Variants in PTPRD observed in about 807,000 individuals in gnomAD.
The protein encoded by PTPRD is receptor-type tyrosine-protein phosphatase delta.
A neutral mutation model predicts 214.5 loss-of-function variants in PTPRD; 34 were observed. That is an observed-to-expected ratio of 0.16 (90% confidence interval 0.12 to 0.21). The LOEUF is 0.21. PTPRD is among the 10% of genes least tolerant of loss of function. The pLI is 1.00. For synonymous variants in PTPRD, 1,128 were observed against 845.7 expected (o/e 1.33, Z -5.79); for missense variants, 2,545 against 2,398.7 (o/e 1.06, Z -1.27).
At chr9:8,653,907 G>C (rs566099327) in intron 12 of PTPRD, among the ~76,000 whole-genome samples, 2 of 152,146 alleles carry the variant, frequency 1.3e-5, no homozygotes, top group South Asian at 2.1e-4. Flanking sequence ...AGGAACCTTG[G>C]TGCATCAATT....
Position 10,334,729 on chromosome 9 carries a change from A to C in PTPRD, c.-545+6234T>G, listed in dbSNP as rs1166108796. Among the ~76,000 whole-genome samples the C allele has an allele frequency of 2.6e-5, 4 of 151,580 alleles. No individual in the cohort carries two copies. The Admixed American group carries it at 2.6e-4, about 10-fold the overall frequency. On this transcript the variant is annotated intron_variant, in intron 3 of 45. Transcript: ENST00000381196. ...CGTTATAGCAAGGATTCAGCACACA[A>C]GGTCAACAAAGAAAAGTCACTTTTC...
At chr9:10,175,500 C>A (rs1455827098) in intron 3 of PTPRD, among the ~76,000 whole-genome samples, 2 of 151,910 alleles carry the variant, frequency 1.3e-5, no homozygotes, top group Non-Finnish European at 1.5e-5. Flanking sequence ...ATACCAAATA[C>A]TTTTCTGCAG....
Position 8,733,761 on chromosome 9 carries a change from G to A in PTPRD, c.64+19C>T. 1 of 1,550,902 alleles carries A rather than the reference G, an allele frequency of 6.4e-7. No homozygotes were observed. Among genetic ancestry groups the A allele is most frequent in the Non-Finnish European group, 8.7e-7 (1 of 1,146,116 alleles). On this transcript the variant is annotated intron_variant, in intron 12 of 45. Transcript: ENST00000381196. ...CTCATTATGGTCACAGCCCCCTAGA[G>A]AAGGGGAGAATGGCTTACTCTCAGC...
At chr9:10,193,110 T>A (rs2099379087) in intron 3 of PTPRD, among the ~76,000 whole-genome samples, 2 of 152,258 alleles carry the variant, frequency 1.3e-5, no homozygotes, top group Admixed American at 1.3e-4. Flanking sequence ...ATTTTTCAAT[T>A]TCCCATTCCC....
At chr9:8,879,146 C>G (rs193002701) in intron 11 of PTPRD, among the ~76,000 whole-genome samples, 26 of 152,284 alleles carry the variant, frequency 1.7e-4, no homozygotes, top group East Asian at 3.9e-4. Context: ...CCCCAAGTAT[C>G]TATAGGCGTA....
chr9:10,579,615 C>T (rs937578365), intron 2 of PTPRD, among the ~76,000 whole-genome samples: 4 of 152,026 alleles, frequency 2.6e-5, no homozygotes, highest in Admixed American at 2.0e-4. Context: ...GTTTTATTTT[C>T]TTTTGGATAT....
intron 2 of PTPRD, among the ~76,000 whole-genome samples, chr9:10,512,031 T>C (rs1445385826): frequency 2.0e-4 from 3 of 15,154 alleles, no homozygotes; most frequent in African/African-American, 3.3e-4. Flanking sequence ...TATATATATG[T>C]ATATATATAT....
intron 3 of PTPRD, among the ~76,000 whole-genome samples, chr9:10,330,791 G>A (rs1402932625): frequency 6.6e-6 from 1 of 151,796 alleles, no homozygotes; most frequent in South Asian, 2.1e-4. Context: ...TAGGCAGAGG[G>A]CAGCAAAAAG....
At chr9:9,455,707 A>C (rs1178935736) in intron 8 of PTPRD, among the ~76,000 whole-genome samples, 1 of 151,686 alleles carries the variant, frequency 6.6e-6, no homozygotes, top group Non-Finnish European at 1.5e-5. Context: ...AGATTGTTCA[A>C]TATAAAGGGG....
intron 12 of PTPRD, among the ~76,000 whole-genome samples, chr9:8,703,923 T>C (rs1268872639): frequency 1.3e-5 from 2 of 152,190 alleles, no homozygotes; most frequent in Non-Finnish European, 2.9e-5. Context: ...CTCCGAGTGT[T>C]TCTTATCAAT....
chr9:9,526,291 A>G (rs943031426), intron 8 of PTPRD, among the ~76,000 whole-genome samples: 2 of 152,274 alleles, frequency 1.3e-5, no homozygotes, highest in South Asian at 4.1e-4. Flanking sequence ...TTTTATGACT[A>G]TTTACATACA....
chr9:9,463,331 C>G (rs910023237), intron 8 of PTPRD, among the ~76,000 whole-genome samples: 1 of 151,958 alleles, frequency 6.6e-6, no homozygotes, highest in Non-Finnish European at 1.5e-5. Context: ...CTACATTAAC[C>G]AAATCTAGAC....
At chr9:9,782,426 T>C (rs2098856910) in intron 5 of PTPRD, among the ~76,000 whole-genome samples, 1 of 152,200 alleles carries the variant, frequency 6.6e-6, no homozygotes, top group African/African-American at 2.4e-5. Context: ...GAGGAACACA[T>C]TTGCATCTTT....
intron 5 of PTPRD, among the ~76,000 whole-genome samples, chr9:9,865,446 C>T (rs1464521883): frequency 2.0e-5 from 3 of 152,260 alleles, no homozygotes; most frequent in Non-Finnish European, 2.9e-5. Flanking sequence ...AACATATAAG[C>T]GTGCTCAGCC....
At chr9:9,006,415 A>T (rs1291883489) in intron 11 of PTPRD, among the ~76,000 whole-genome samples, 1 of 152,096 alleles carries the variant, frequency 6.6e-6, no homozygotes, top group Non-Finnish European at 1.5e-5. Context: ...TAGACAAGGC[A>T]CAAATCATTC....
At chr9:10,558,635 TA>T (rs1196146064) in intron 2 of PTPRD, among the ~76,000 whole-genome samples, 7 of 152,172 alleles carry the variant, frequency 4.6e-5, no homozygotes, top group African/African-American at 1.7e-4. Flanking sequence ...ACTTTTTGTC[TA>T]CCTACCAGAC....
chr9:8,893,646 C>A (rs1321526120), intron 11 of PTPRD, among the ~76,000 whole-genome samples: 3 of 152,200 alleles, frequency 2.0e-5, no homozygotes, highest in Non-Finnish European at 4.4e-5. Context: ...AAGATGCAAT[C>A]ATACTTCCAG....
At chr9:8,584,457 A>AC (rs1255838669) in intron 14 of PTPRD, among the ~76,000 whole-genome samples, 1 of 151,942 alleles carries the variant, frequency 6.6e-6, no homozygotes, top group Non-Finnish European at 1.5e-5. Flanking sequence ...TTACTGAAAA[A>AC]AAAAAAAATT....
At chr9:8,758,305 G>A (rs1565840811) in intron 11 of PTPRD, among the ~76,000 whole-genome samples, 1 of 152,184 alleles carries the variant, frequency 6.6e-6, no homozygotes, top group Non-Finnish European at 1.5e-5. Context: ...TACCACTCTA[G>A]ATGCATAGGA....
Sources: allele counts gnomAD v4.1 joint callset (sites outside exome capture counted in the v4.1 genomes callset), GRCh38; gene constraint gnomAD v4.1.1; transcripts MANE v1.5; gene names NCBI Gene and HGNC (gene_info 2026-07-23, HGNC 2026-07-21).